GFOD1: variants seen among roughly 807,000 people sequenced by gnomAD.
The protein encoded by GFOD1 is Gfo/Idh/MocA-like oxidoreductase domain containing 1, also known as glucose-fructose oxidoreductase domain-containing protein 1.
Under a neutral mutation model 25.4 loss-of-function variants are expected in GFOD1, and 9 were observed. The ratio of observed to expected loss-of-function variants is 0.35; its 90% CI spans 0.21 to 0.62. GFOD1 has a LOEUF of 0.62. Ranked by LOEUF, GFOD1 falls within the 20% of genes least tolerant of loss-of-function variation. The probability of loss-of-function intolerance (pLI) is 0.72; values close to 1 mark genes in which losing one functional copy is unlikely to be tolerated. For synonymous variants in GFOD1, 253 were observed against 245.6 expected, an observed-to-expected ratio of 1.03 and a Z score of -0.28; for missense variants, 403 against 556.9, an observed-to-expected ratio of 0.72 and a Z score of 2.78.
chr6:13,403,789 G>A (rs998931424), intron 1 of GFOD1, among the ~76,000 whole-genome samples: 1 of 152,174 alleles, frequency 6.6e-6, no homozygotes, highest in African/African-American at 2.4e-5. Context: ...TTATTTTATG[G>A]TTTCATTTAT....
intron 1 of GFOD1, among the ~76,000 whole-genome samples, chr6:13,411,027 G>A (rs1022909833): frequency 6.6e-6 from 1 of 152,238 alleles, no homozygotes; most frequent in Non-Finnish European, 1.5e-5. Context: ...TTCACCAGGA[G>A]GAGCCCAGCT....
At position 13,487,267 on chromosome 6, in the gene GFOD1, A is replaced by C. The variant is rs1758894530; in HGVS notation, c.-377T>G. ...GCCAAGGCCGCTCCATGGCCGGCTC[A>C]TCCCCGCGGCCGCGCCGCCGCAGCC... On this transcript the variant is annotated 5_prime_UTR_variant, in exon 1 of 2. An upstream start codon of the reference 5' UTR is lost. Transcript: ENST00000379287. This position sits in a 1 kb window ranked among gnomAD's most constrained non-coding sequence, Gnocchi z 4.9. 4.8e-6 allele frequency: 1 copy of C among 208,276 alleles called. No individual in the cohort carries two copies. The highest frequency in any genetic ancestry group is 1.1e-4 in the East Asian group (1 of 9,048). The allele number at this position is 208,276 out of a possible 1,614,324, so 12.9% of individuals were successfully genotyped here. A position where few individuals can be genotyped will look rare whatever the true frequency, so the allele number is the denominator to read the frequency against.
intron 1 of GFOD1, among the ~76,000 whole-genome samples, chr6:13,392,343 CAAA>C (rs1035923592): frequency 4.9e-5 from 3 of 61,508 alleles, no homozygotes; most frequent in Non-Finnish European, 3.3e-5. Flanking sequence ...GACCCTATCT[CAAA>C]AAAAAAAAAA....
intron 1 of GFOD1, among the ~76,000 whole-genome samples, chr6:13,427,775 T>C (rs1395323908): frequency 6.6e-6 from 1 of 152,260 alleles, no homozygotes. Context: ...TTTATCCCAC[T>C]ATTTCCTAAG....
At chr6:13,453,531 AAATTC>A (rs1189628368) in intron 1 of GFOD1, among the ~76,000 whole-genome samples, 1 of 152,228 alleles carries the variant, frequency 6.6e-6, no homozygotes, top group Non-Finnish European at 1.5e-5. Flanking sequence ...ATAAATCTAA[AAATTC>A]AGGTGGCAAT....
chr6:13,429,047 T>G (rs1408943269), intron 1 of GFOD1, among the ~76,000 whole-genome samples: 1 of 152,130 alleles, frequency 6.6e-6, no homozygotes, highest in African/African-American at 2.4e-5. Context: ...TCTACAAACA[T>G]GAGCCCAGGT....
rs72062296 is a variant in GFOD1 at position 13,363,555 on chromosome 6, CTTTTTTTTTTT to C, written c.*1177_*1187del. 22 of 78,970 alleles carry C rather than the reference CTTTTTTTTTTT, an allele frequency of 2.8e-4. No homozygotes were observed. The highest frequency in any genetic ancestry group is 9.8e-4 in the East Asian group (2 of 2,040). The allele number at this position is 78,970 out of a possible 1,614,324, so 4.9% of individuals were successfully genotyped here. On this transcript the variant is annotated 3_prime_UTR_variant, in exon 2 of 2. Transcript: ENST00000379287. The stretch of plus-strand genomic sequence containing the variant: ...GCAAATGCTGGAGCTAAGGAAAATC[CTTTTTTTTTTT>C]TTTTTTTTTTTTTTTTTTGTAAGGA...
At chr6:13,386,179 C>T (rs73723295) in intron 1 of GFOD1, among the ~76,000 whole-genome samples, 3,995 of 133,862 alleles carry the variant, frequency 0.03, 142 homozygotes, top group African/African-American at 0.087. Context: ...CTCCTGCCTC[C>T]GCTTCCCAAA....
At chr6:13,481,523 GC>G (rs919603207) in intron 1 of GFOD1, among the ~76,000 whole-genome samples, 1 of 152,140 alleles carries the variant, frequency 6.6e-6, no homozygotes, top group Admixed American at 6.5e-5. Flanking sequence ...TATTCTAGGT[GC>G]TGTGGGAGCC....
intron 1 of GFOD1, among the ~76,000 whole-genome samples, chr6:13,450,219 C>T (rs542507378): frequency 8.5e-5 from 13 of 152,264 alleles, no homozygotes; most frequent in Admixed American, 5.9e-4. Flanking sequence ...CTGAGGGGGA[C>T]GTAAGTAATC....
At chr6:13,442,246 A>C (rs1722529207) in intron 1 of GFOD1, among the ~76,000 whole-genome samples, 1 of 152,172 alleles carries the variant, frequency 6.6e-6, no homozygotes, top group Non-Finnish European at 1.5e-5. Flanking sequence ...GGCACACCTC[A>C]CTTTATTGTG....
intron 1 of GFOD1, among the ~76,000 whole-genome samples, chr6:13,484,488 G>C (rs996322911): frequency 6.6e-6 from 1 of 151,858 alleles, no homozygotes; most frequent in Non-Finnish European, 1.5e-5. Flanking sequence ...TGCAAAAGAA[G>C]GAGTTAAAAA....
intron 1 of GFOD1, among the ~76,000 whole-genome samples, chr6:13,434,999 T>C (rs975511847): frequency 7.2e-5 from 11 of 152,224 alleles, no homozygotes; most frequent in African/African-American, 1.7e-4. Flanking sequence ...AGGGCAACCG[T>C]AGACCTGCCC....
chr6:13,442,617 A>G (rs75133103), intron 1 of GFOD1, among the ~76,000 whole-genome samples: 6,724 of 152,282 alleles, frequency 0.044, 539 homozygotes, highest in African/African-American at 0.15. Context: ...GTTGAAGCCA[A>G]AATTCATTTA....
intron 1 of GFOD1, among the ~76,000 whole-genome samples, chr6:13,397,203 T>C (rs1291283400): frequency 3.9e-5 from 6 of 152,160 alleles, no homozygotes; most frequent in African/African-American, 1.4e-4. Flanking sequence ...CCTCCCAAAG[T>C]GCTGGGATTA....
At chr6:13,483,927 T>C (rs1296568904) in intron 1 of GFOD1, among the ~76,000 whole-genome samples, 2 of 152,342 alleles carry the variant, frequency 1.3e-5, no homozygotes, top group Middle Eastern at 3.4e-3. Context: ...AAATGCTTTA[T>C]ACACAGCACT....
chr6:13,486,548 G>A (rs1758874617), intron 1 of GFOD1, 90 bp downstream of exon 1: 3 of 1,081,220 alleles, frequency 2.8e-6, no homozygotes, highest in Non-Finnish European at 4.1e-6. Flanking sequence ...AAGCTTCTGG[G>A]ATGCGGAGAG....
intron 1 of GFOD1, among the ~76,000 whole-genome samples, chr6:13,374,728 C>CTTTT (rs147560408): frequency 1.3e-3 from 86 of 66,790 alleles, no homozygotes; most frequent in Admixed American, 2.1e-3. Context: ...CATCTCAAAT[C>CTTTT]TTTTTTTTTT....
chr6:13,468,119 T>G (rs1235258483), intron 1 of GFOD1, among the ~76,000 whole-genome samples: 1 of 152,138 alleles, frequency 6.6e-6, no homozygotes, highest in Non-Finnish European at 1.5e-5. Context: ...AAGAAAAAAA[T>G]TTATAATCCC....
Sources: allele counts gnomAD v4.1 joint callset (sites outside exome capture counted in the v4.1 genomes callset), GRCh38; gene constraint gnomAD v4.1.1; non-coding constraint Gnocchi (gnomAD v3.1); transcripts MANE v1.5; gene names NCBI Gene and HGNC (gene_info 2026-07-23, HGNC 2026-07-21).